The following ANKRD13C variants were observed in gnomAD, a reference collection of about 807,000 sequenced individuals.
ANKRD13C encodes ankyrin repeat domain-containing protein 13C.
Under a neutral mutation model 65.5 loss-of-function variants are expected in ANKRD13C, and 16 were observed. The observed-to-expected ratio is 0.24, with a 90% CI of 0.17 to 0.37. The LOEUF is 0.37. ANKRD13C is among the 10% of genes least tolerant of loss of function. ANKRD13C has a pLI of 1.00. For missense variants in ANKRD13C, 503 were observed against 655.9 expected, an observed-to-expected ratio of 0.77 and a Z score of 2.55; for synonymous variants, 235 against 238.7, an observed-to-expected ratio of 0.98 and a Z score of 0.14.
rs114845713 is a variant in ANKRD13C, at chr1:70,293,966, C to T, written c.1054-1417G>A. On this transcript the variant is annotated intron_variant, in intron 8 of 12. Transcript: ENST00000370944. The stretch of plus-strand genomic sequence containing the variant: ...ACACATCATTTATAATGGCAGAAAA[C>T]TGGACACAAATGTGACTATTCATTT... Among the ~76,000 whole-genome samples the T allele has an allele frequency of 6.2e-3, 940 of 152,226 alleles. 9 individuals carry two copies. The highest frequency in any genetic ancestry group is 0.021 in the African/African-American group (881 of 41,528).
At chr1:70,285,373 T>A (rs1679575545) in intron 9 of ANKRD13C, among the ~76,000 whole-genome samples, 1 of 151,580 alleles carries the variant, frequency 6.6e-6, no homozygotes, top group African/African-American at 2.4e-5. Context: ...ATTTGTATAT[T>A]TAGTTGATAT....
chr1:70,263,233 C>A (rs1407469760), intron 12 of ANKRD13C, among the ~76,000 whole-genome samples: 1 of 152,124 alleles, frequency 6.6e-6, no homozygotes, highest in Non-Finnish European at 1.5e-5. Context: ...TATTCTGACT[C>A]TTTGAGCTGA....
chr1:70,301,170 T>TACAC, intron 6 of ANKRD13C, among the ~76,000 whole-genome samples: 1 of 141,038 alleles, frequency 7.1e-6, no homozygotes, highest in African/African-American at 2.7e-5. Context: ...TGAATATATA[T>TACAC]ACACACACAT....
At chr1:70,318,685 T>TG in intron 3 of ANKRD13C, among the ~76,000 whole-genome samples, 1 of 145,058 alleles carries the variant, frequency 6.9e-6, no homozygotes, top group African/African-American at 2.6e-5. Flanking sequence ...CTTTGTTTTT[T>TG]TTTTTTTTTT....
At chr1:70,322,586 C>T (rs1411344678) in intron 3 of ANKRD13C, among the ~76,000 whole-genome samples, 1 of 152,108 alleles carries the variant, frequency 6.6e-6, no homozygotes, top group Non-Finnish European at 1.5e-5. Context: ...TGTTTATTGG[C>T]CTTCCCAATA....
chr1:70,326,231 CAAAAAAAAAAAA>C (rs59618915), intron 2 of ANKRD13C, among the ~76,000 whole-genome samples: 1,574 of 31,064 alleles, frequency 0.051, 39 homozygotes, highest in African/African-American at 0.15. Context: ...AACTCTGTCT[CAAAAAAAAAAAA>C]AAAAAAAAAA....
In ANKRD13C at chr1:70,354,092, T is replaced by C. The variant is rs1312461530; in HGVS notation, c.317A>G (p.Asp106Gly). ...GTAGTGTGCGGGGCAACTGCCTCCATCCGCGACGACAGCAACGGGGTTGGT... is the reference window on the plus strand; with the variant it reads ...GTAGTGTGCGGGGCAACTGCCTCCACCCGCGACGACAGCAACGGGGTTGGT... ...AGTNPVAVVADGGSCPAHYPV... is the reference protein window; with the variant it reads ...AGTNPVAVVAGGGSCPAHYPV... The change falls in exon 1 of 13, where the codon GAT becomes GGT. Residue 106 changes from aspartate to glycine, a missense_variant. Physicochemically the swap from Asp to Gly is moderately conservative, Grantham distance 94. Around this residue, in one of 2 missense-constraint regions of ANKRD13C, gnomAD observed 203 missense variants for 177.6 expected, o/e 1.14. Transcript: ENST00000370944. The C allele has an allele frequency of 6.2e-7, 1 of 1,612,184 alleles. No homozygotes were observed. The highest frequency in any genetic ancestry group is 1.1e-5 in the South Asian group (1 of 90,922).
At chr1:70,302,725 C>CAAAAAAAAAAAAAAAAAAAAAA (rs11359618) in intron 6 of ANKRD13C, among the ~76,000 whole-genome samples, 1 of 32,164 alleles carries the variant, frequency 3.1e-5, no homozygotes, top group Non-Finnish European at 4.5e-5. Context: ...GACTCCGTCT[C>CAAAAAAAAAAAAAAAAAAAAAA]AAAAAAAAAA....
chr1:70,285,236 AGGCT>A (rs907631767), intron 9 of ANKRD13C, among the ~76,000 whole-genome samples: 4 of 123,310 alleles, frequency 3.2e-5, no homozygotes, highest in African/African-American at 1.3e-4. Flanking sequence ...TCTGTTGCCC[AGGCT>A]GGAGTGCAGT....
chr1:70,354,071 T>C lies in ANKRD13C; in HGVS notation c.338A>G (p.His113Arg). ...GAAGACGCACTCGTGCACCGGGTAG[T>C]GTGCGGGGCAACTGCCTCCATCCGC... is the stretch of plus-strand genomic sequence containing the variant. The part of the protein sequence containing the change: ...VVADGGSCPA[H>R]YPVHECVFKG... The change falls in exon 1 of 13, where the codon CAC (histidine) becomes CGC (arginine). Residue 113 changes from histidine (H) to arginine (R), a missense_variant. Physicochemically the swap from His to Arg is conservative, Grantham distance 29. Coordinates refer to ENST00000370944, the MANE Select transcript of ANKRD13C (RefSeq NM_030816.5). 6.2e-7 allele frequency: 1 copy of C among 1,608,750 alleles called. No homozygotes were observed. Among genetic ancestry groups the C allele is most frequent in the Non-Finnish European group, 8.5e-7 (1 of 1,176,714 alleles).
rs532666324 is a variant in ANKRD13C, at chr1:70,336,138, T to TA, written c.431-40dup. ...AATAAAATAAATAAATTAGAAGGTG[T>TA]AAAAACATAAGAACATTTACTTAAA... On this transcript the variant is annotated intron_variant, in intron 1 of 12. Transcript: ENST00000370944. The TA allele has an allele frequency of 2.5e-4, 142 of 564,124 alleles. No homozygotes were observed. The African/African-American group carries it at 2.7e-3, about 11-fold the overall frequency. 34.9% of individuals were successfully genotyped at this position (564,124 alleles called of 1,614,324 possible).
At chr1:70,283,404 G>T (rs115344940) in intron 9 of ANKRD13C, among the ~76,000 whole-genome samples, 132 of 152,074 alleles carry the variant, frequency 8.7e-4, no homozygotes, top group African/African-American at 3.0e-3. Flanking sequence ...GAAGCATATA[G>T]GAAATACTTT....
rs761368091 is a variant in ANKRD13C, at chr1:70,315,511, T to C, written c.633A>G (p.Lys211=). ...TCAGGGCTTTTAATAATCGAGGTCGTTTTTCTTCAACACTTTCCCTGGATT... is the reference window on the plus strand; with the variant it reads ...TCAGGGCTTTTAATAATCGAGGTCGCTTTTCTTCAACACTTTCCCTGGATT... The part of the protein sequence containing the change: ...KQQSRESVEE[K]RPRLLKALKE... The change falls in exon 4 of 13, where the codon AAA becomes AAG. Residue 211 remains lysine (K), a synonymous_variant. Coordinates refer to ENST00000370944, the MANE Select transcript of ANKRD13C (RefSeq NM_030816.5). The C allele has an allele frequency of 6.2e-7, 1 of 1,606,132 alleles. No homozygotes were observed. Among genetic ancestry groups the C allele is most frequent in the African/African-American group, 1.3e-5 (1 of 74,842 alleles).
intron 7 of ANKRD13C, among the ~76,000 whole-genome samples, chr1:70,298,059 C>T (rs1250399571): frequency 6.6e-6 from 1 of 152,028 alleles, no homozygotes; most frequent in Non-Finnish European, 1.5e-5. Context: ...AAAATGTATT[C>T]CTGGTAACCC....
chr1:70,264,924 T>C (rs1221233753), intron 12 of ANKRD13C, among the ~76,000 whole-genome samples: 6 of 152,142 alleles, frequency 3.9e-5, no homozygotes, highest in Non-Finnish European at 8.8e-5. Flanking sequence ...AACCATGCAG[T>C]TGCCTGGAGG....
intron 1 of ANKRD13C, among the ~76,000 whole-genome samples, chr1:70,337,816 T>G (rs61678482): frequency 0.11 from 16,878 of 151,386 alleles, 1,145 homozygotes; most frequent in East Asian, 0.34. Flanking sequence ...AAAGCATCTT[T>G]CAGCCGGGCA....
At chr1:70,306,015 T>C in intron 6 of ANKRD13C, 1 of 278,018 alleles carries the variant, frequency 3.6e-6, no homozygotes, top group Non-Finnish European at 7.0e-6. Flanking sequence ...TCTTTTCCAC[T>C]TTGAGTTTGT....
chr1:70,280,700 C>G (rs1023982181), intron 9 of ANKRD13C, among the ~76,000 whole-genome samples: 2 of 152,140 alleles, frequency 1.3e-5, no homozygotes, highest in African/African-American at 4.8e-5. Context: ...AGAGGGTTTA[C>G]TGTGATGATA....
At chr1:70,304,606 C>G (rs1056949204) in intron 6 of ANKRD13C, among the ~76,000 whole-genome samples, 11 of 151,884 alleles carry the variant, frequency 7.2e-5, no homozygotes, top group Admixed American at 6.6e-4. Context: ...GCCATGTTGC[C>G]CAGGCTGGTC....
Sources: allele counts gnomAD v4.1 joint callset (sites outside exome capture counted in the v4.1 genomes callset), GRCh38; gene constraint gnomAD v4.1.1; regional missense constraint gnomAD v4.1.1; transcripts MANE v1.5; gene names NCBI Gene and HGNC (gene_info 2026-07-23, HGNC 2026-07-21).